KNDC1: variants seen among roughly 807,000 people sequenced by gnomAD.
The protein encoded by KNDC1 is kinase non-catalytic C-lobe domain-containing protein 1.
A neutral mutation model predicts 172.8 loss-of-function variants in KNDC1; 106 were observed. That is an observed-to-expected ratio of 0.61 (90% CI 0.52 to 0.72). KNDC1 has a LOEUF of 0.72. KNDC1 is among the 30% of genes least tolerant of loss of function. The pLI, the probability that KNDC1 is intolerant of heterozygous loss-of-function variation, is 0.00. For missense variants in KNDC1, 2,325 were observed against 2,394.5 expected (o/e 0.97, Z 0.61); for synonymous variants, 1,083 against 1,062.2 (o/e 1.02, Z -0.38).
intron 1 of KNDC1, chr10:133,167,101 C>T (rs1009018963): frequency 1.0e-5 from 5 of 496,486 alleles, no homozygotes; most frequent in African/African-American, 5.8e-5. Flanking sequence ...CAGCTCTGGC[C>T]GAGCCTCCGG....
chr10:133,188,499 A>G (rs1398948326), intron 6 of KNDC1, 40 bp from the exon 7 acceptor site: 1 of 1,356,010 alleles, frequency 7.4e-7, no homozygotes, highest in African/African-American at 1.4e-5. Context: ...GGCCCTGGCA[A>G]GGGGTGTCCA....
At chr10:133,198,242 C>A in intron 12 of KNDC1, 95 bp from the exon 13 acceptor site, 1 of 1,383,604 alleles carries the variant, frequency 7.2e-7, no homozygotes, top group South Asian at 1.4e-5. Context: ...GCACCACGCA[C>A]TGGGTGGGAT....
At chr10:133,211,924 A>C (rs1273410271) in intron 23 of KNDC1, 66 bp downstream of exon 23, 4 of 1,498,358 alleles carry the variant, frequency 2.7e-6, no homozygotes, top group Admixed American at 4.8e-5. Context: ...GCCCAGCCTC[A>C]AAGACACAAC....
chr10:133,177,062 C>T (rs1564878028), intron 3 of KNDC1, among the ~76,000 whole-genome samples: 1 of 152,212 alleles, frequency 6.6e-6, no homozygotes, highest in South Asian at 2.1e-4. Flanking sequence ...CAGCTGTGCA[C>T]CAACCTCTGC....
Position 133,207,269 on chromosome 10 carries a change from A to G in KNDC1, c.3712A>G (p.Asn1238Asp), listed in dbSNP as rs767198955. Residue 1238 changes from asparagine (N) to aspartate (D), a missense_variant, in exon 20 of 30, where the codon AAC becomes GAC. By Grantham distance (23) the Asn-to-Asp change is conservative. Transcript: ENST00000304613. Reference protein sequence around the residue: ...ESSSLIFYNVNKHPGGRQKAR... With the variant: ...ESSSLIFYNVDKHPGGRQKAR... ...CTCCTCGCTCATCTTCTACAACGTCAACAAGCACCCGGGCGGCCGGCAGAA... is the reference window on the plus strand; with the variant it reads ...CTCCTCGCTCATCTTCTACAACGTCGACAAGCACCCGGGCGGCCGGCAGAA... 6.2e-7 allele frequency: 1 copy of G among 1,613,118 alleles called. No individual in the cohort carries two copies. Among genetic ancestry groups the G allele is most frequent in the Non-Finnish European group, 8.5e-7 (1 of 1,179,978 alleles).
In KNDC1 at chr10:133,213,683, C is replaced by T. The variant is rs1845417892; in HGVS notation, c.4482C>T (p.Asn1494=). 2 of 1,613,988 alleles carry T rather than the reference C, an allele frequency of 1.2e-6. No homozygotes were observed. Among genetic ancestry groups the T allele is most frequent in the Non-Finnish European group, 1.7e-6 (2 of 1,179,990 alleles). ...AGTGCCACCCGGTCCACTTCCTGAACTCACGGGCCCTGGGCGTCATGGACA... is the reference window on the plus strand; with the variant it reads ...AGTGCCACCCGGTCCACTTCCTGAATTCACGGGCCCTGGGCGTCATGGACA... ...FQKCHPVHFL[N]SRALGVMDKS... is the part of the protein sequence containing the mutation. Residue 1494 remains asparagine, a synonymous_variant, in exon 25 of 30, where the codon AAC becomes AAT. Coordinates refer to ENST00000304613, the MANE Select transcript of KNDC1 (RefSeq NM_152643.8).
At chr10:133,220,943 G>A (rs886331652) in intron 29 of KNDC1, among the ~76,000 whole-genome samples, 1 of 152,038 alleles carries the variant, frequency 6.6e-6, no homozygotes, top group Non-Finnish European at 1.5e-5. Flanking sequence ...TGGGTACCTT[G>A]CCCCTCACTT....
intron 9 of KNDC1, among the ~76,000 whole-genome samples, chr10:133,195,033 A>G (rs747762306): frequency 7.2e-5 from 11 of 152,198 alleles, no homozygotes; most frequent in Non-Finnish European, 1.2e-4. Flanking sequence ...ACCAACACTC[A>G]TGTCAGCAGC....
In KNDC1 at chr10:133,206,315, T is replaced by G. The variant is rs540985239; in HGVS notation, c.3388-370T>G. 2.6e-3 allele frequency among the ~76,000 whole-genome samples: 393 copies of G among 152,326 alleles called. 2 individuals are homozygous for G. Among genetic ancestry groups the G allele is most frequent in the African/African-American group, 8.5e-3 (355 of 41,592 alleles). ...CCCCTGCCCCCAGCCCCGCCCACAA[T>G]GTGCACTTGGGGGCCCAGAGGTGGC... On this transcript the variant is annotated intron_variant, in intron 17 of 29. Transcript: ENST00000304613.
intron 15 of KNDC1, 113 bp downstream of exon 15, chr10:133,199,715 C>A: frequency 8.1e-7 from 1 of 1,236,804 alleles, no homozygotes; most frequent in Non-Finnish European, 1.1e-6. Context: ...GCTTCCATCT[C>A]GCTGCTGTCT....
At chr10:133,217,637 G>A (rs12571079) in intron 26 of KNDC1, among the ~76,000 whole-genome samples, 5,760 of 53,162 alleles carry the variant, frequency 0.11, no homozygotes, top group East Asian at 0.21. Context: ...TCAGGAGTTC[G>A]AGACCAGCCT....
Position 133,198,703 on chromosome 10 carries a change from C to T in KNDC1, c.2195C>T (p.Pro732Leu), listed in dbSNP as rs759772668. The change falls in exon 14 of 30, where the codon CCG becomes CTG. Residue 732 changes from proline to leucine, a missense_variant. Physicochemically the swap from Pro to Leu is moderately conservative, Grantham distance 98. Coordinates refer to ENST00000304613, the MANE Select transcript of KNDC1 (RefSeq NM_152643.8). ...GSPSLKTPDG[P>L]VPGPGPQGAA... is the part of the protein sequence containing the mutation. ...CCCAGCCTGAAGACGCCTGACGGGC[C>T]GGTGCCTGGTCCGGGGCCACAGGGA... 31 of 1,578,490 alleles carry T rather than the reference C, an allele frequency of 2.0e-5. No individual in the cohort carries two copies. Among genetic ancestry groups the T allele is most frequent in the Non-Finnish European group, 2.4e-5 (28 of 1,163,120 alleles).
chr10:133,204,870 G>A (rs572122764), intron 17 of KNDC1, among the ~76,000 whole-genome samples: 5 of 152,112 alleles, frequency 3.3e-5, no homozygotes, highest in African/African-American at 1.2e-4. Context: ...GCTGCGGGCC[G>A]AGGGCTGCCG....
At chr10:133,183,209 G>T in intron 3 of KNDC1, 135 bp from the exon 4 acceptor site, 1 of 1,125,198 alleles carries the variant, frequency 8.9e-7, no homozygotes, top group Non-Finnish European at 1.2e-6. Context: ...GGGCAGCGTG[G>T]GCACGGGTGC....
rs11101634 is a variant in KNDC1, at chr10:133,201,697, C to A, written c.3186C>A (p.Asp1062Glu). The change falls in exon 17 of 30, where the codon GAC (aspartate) becomes GAA (glutamate). Residue 1062 changes from aspartate to glutamate, a missense_variant. Coordinates refer to ENST00000304613, the MANE Select transcript of KNDC1 (RefSeq NM_152643.8). ...EDRRPAGGAS[D>E]VEAVTRLARS... is the part of the protein sequence containing the mutation. Reference sequence around the variant, plus strand: ...GACGGCCAGCTGGCGGGGCCTCAGACGTGGAGGCAGTGACCCGACTGGCCA... The same window carrying A: ...GACGGCCAGCTGGCGGGGCCTCAGAAGTGGAGGCAGTGACCCGACTGGCCA... 5.6e-6 allele frequency: 9 copies of A among 1,611,436 alleles called. No homozygotes were observed. Among genetic ancestry groups the A allele is most frequent in the African/African-American group, 1.3e-5 (1 of 74,930 alleles).
chr10:133,160,807 G>A (rs925051742), intron 1 of KNDC1, among the ~76,000 whole-genome samples: 2 of 152,188 alleles, frequency 1.3e-5, no homozygotes, highest in African/African-American at 2.4e-5. Context: ...GTTGGTGCGC[G>A]GTAGCTCCTG....
chr10:133,202,753 CAG>C (rs1342294499), intron 17 of KNDC1: 3 of 442,216 alleles, frequency 6.8e-6, no homozygotes, highest in Admixed American at 5.0e-5. Flanking sequence ...GGTGAGGGGA[CAG>C]GGGTTAAGCT....
In KNDC1 at chr10:133,168,276, T is replaced by G. The variant is rs1304787480; in HGVS notation, c.324T>G (p.Val108=). 1 of 1,613,980 alleles carries G rather than the reference T, an allele frequency of 6.2e-7. No homozygotes were observed. The change falls in exon 3 of 30, where the codon GTT becomes GTG. Residue 108 remains valine, a synonymous_variant. Coordinates refer to ENST00000304613, the MANE Select transcript of KNDC1 (RefSeq NM_152643.8). ...AAGACGACCCTGAGGGTGCCTTCGT[T>G]CCCCCCGAGTTCGACGTGACCGGGA... is the stretch of plus-strand genomic sequence containing the variant. ...QLSDDPEGAF[V]PPEFDVTGNT...
intron 3 of KNDC1, among the ~76,000 whole-genome samples, chr10:133,170,608 C>G (rs2135952029): frequency 6.6e-6 from 1 of 152,294 alleles, no homozygotes; most frequent in South Asian, 2.1e-4. Context: ...AAATTAAAAC[C>G]AAGACATTTT....
Sources: allele counts gnomAD v4.1 joint callset (sites outside exome capture counted in the v4.1 genomes callset), GRCh38; gene constraint gnomAD v4.1.1; transcripts MANE v1.5; gene names NCBI Gene and HGNC (gene_info 2026-07-23, HGNC 2026-07-21).